USP31: variants seen among roughly 807,000 people sequenced by gnomAD.
USP31 encodes the protein ubiquitin carboxyl-terminal hydrolase 31.
In USP31, 44 loss-of-function variants were observed where a neutral mutation model predicts 119.4. That is an observed-to-expected ratio of 0.37 (90% confidence interval 0.29 to 0.47). The LOEUF is 0.47. Ranked by LOEUF, USP31 falls within the 20% of genes least tolerant of loss-of-function variation. The pLI is 0.99. For missense variants in USP31, 1,643 were observed against 1,730.2 expected, an observed-to-expected ratio of 0.95 and a Z score of 0.89; for synonymous variants, 749 against 705.6, an observed-to-expected ratio of 1.06 and a Z score of -0.97.
In USP31 at chr16:23,062,833, T is replaced by G. The variant is rs1899901548; in HGVS notation, c.*5213A>C. ...TTCAAATGGGAGTTTGATATCAGTA[T>G]CTCTCAATTCTTTTTATTCTTATTT... On this transcript the variant is annotated 3_prime_UTR_variant, in exon 16 of 16. Coordinates refer to ENST00000219689, the MANE Select transcript of USP31 (RefSeq NM_020718.4). 1 of 152,598 alleles carries G rather than the reference T, an allele frequency of 6.6e-6. No homozygotes were observed. The highest frequency in any genetic ancestry group is 1.5e-5 in the Non-Finnish European group (1 of 68,038). 9.5% of individuals were successfully genotyped at this position (152,598 alleles called of 1,614,324 possible).
intron 1 of USP31, among the ~76,000 whole-genome samples, chr16:23,132,122 A>C (rs1422341940): frequency 6.6e-6 from 1 of 152,220 alleles, no homozygotes; most frequent in Admixed American, 6.5e-5. Flanking sequence ...TAAATAGAGA[A>C]AGATCACAAT....
At chr16:23,108,415 A>G (rs1902195716) in intron 1 of USP31, among the ~76,000 whole-genome samples, 2 of 152,212 alleles carry the variant, frequency 1.3e-5, no homozygotes, top group South Asian at 4.1e-4. Context: ...GAGTGTATCT[A>G]AAGACATCAT....
At position 23,062,270 on chromosome 16, in the gene USP31, C is replaced by A. The variant is rs887009349; in HGVS notation, c.*5776G>T. ...TAAAACTAAATTTTATTTGCCTCCA[C>A]AGTTAACACAGAGTGCCAAATTCTG... On this transcript the variant is annotated 3_prime_UTR_variant, in exon 16 of 16. Coordinates refer to ENST00000219689, the MANE Select transcript of USP31 (RefSeq NM_020718.4). The A allele has an allele frequency of 6.6e-6, 1 of 152,240 alleles. No individual in the cohort carries two copies. The highest frequency in any genetic ancestry group is 1.5e-5 in the Non-Finnish European group (1 of 68,008). 9.4% of individuals were successfully genotyped at this position (152,240 alleles called of 1,614,324 possible).
chr16:23,084,410 C>G (rs557125883), intron 11 of USP31, among the ~76,000 whole-genome samples: 1 of 152,336 alleles, frequency 6.6e-6, no homozygotes, highest in Non-Finnish European at 1.5e-5. Flanking sequence ...GCACTTGAAA[C>G]ATGACTAATG....
intron 14 of USP31, among the ~76,000 whole-genome samples, chr16:23,073,000 CT>C (rs1189617553): frequency 6.6e-6 from 1 of 152,060 alleles, no homozygotes; most frequent in Non-Finnish European, 1.5e-5. Flanking sequence ...TTCATAGCCC[CT>C]AACCTGATTG....
In USP31 at chr16:23,063,938, C is replaced by G. The variant is rs7195244; in HGVS notation, c.*4108G>C. 0.28 allele frequency: 42,853 copies of G among 152,064 alleles called. 6,373 individuals are homozygous for G. The highest frequency in any genetic ancestry group is 0.35 in the Admixed American group (5,386 of 15,252). 9.4% of individuals were successfully genotyped at this position (152,064 alleles called of 1,614,324 possible). On this transcript the variant is annotated 3_prime_UTR_variant, in exon 16 of 16. Transcript: ENST00000219689. ...TGTGAGAGTGTTCATTTAAATAAAACCACTGGATTTCTCCCCAAACCATGT... is the reference window on the plus strand; with the variant it reads ...TGTGAGAGTGTTCATTTAAATAAAAGCACTGGATTTCTCCCCAAACCATGT...
chr16:23,089,718 T>C lies in USP31; in HGVS notation c.1415+906A>G, dbSNP rs555185077. On this transcript the variant is annotated intron_variant, in intron 7 of 15. Transcript: ENST00000219689. Reference sequence around the variant, plus strand: ...AGGTTACATTCCTACTGTGACAGAGTTACTTTAAAAGATAGTCTAAAACAC... The same window carrying C: ...AGGTTACATTCCTACTGTGACAGAGCTACTTTAAAAGATAGTCTAAAACAC... 4.6e-5 allele frequency among the ~76,000 whole-genome samples: 7 copies of C among 152,244 alleles called. No homozygotes were observed. In the East Asian group the frequency reaches 7.7e-4, roughly 17 times the overall value.
At chr16:23,131,770 T>C (rs1446447404) in intron 1 of USP31, among the ~76,000 whole-genome samples, 1 of 152,184 alleles carries the variant, frequency 6.6e-6, no homozygotes, top group Non-Finnish European at 1.5e-5. Context: ...ATAAGCGGCA[T>C]TTCCATCACT....
chr16:23,061,497 G>A lies in USP31; in HGVS notation c.*6549C>T, dbSNP rs747692421. 5 of 152,560 alleles carry A rather than the reference G, an allele frequency of 3.3e-5. No homozygotes were observed. The highest frequency in any genetic ancestry group is 7.3e-5 in the Non-Finnish European group (5 of 68,038). 9.5% of individuals were successfully genotyped at this position (152,560 alleles called of 1,614,324 possible). ...AACTGTATACTATATAATCAACGCT[G>A]TTTCAGAAATAAAACGTTTCAAACG... On this transcript the variant is annotated 3_prime_UTR_variant, in exon 16 of 16. Transcript: ENST00000219689.
chr16:23,121,866 T>C (rs1902680142), intron 1 of USP31, among the ~76,000 whole-genome samples: 1 of 152,202 alleles, frequency 6.6e-6, no homozygotes, highest in South Asian at 2.1e-4. Context: ...CCTCGTTTTA[T>C]ATAGCCTCAA....
At chr16:23,123,754 C>A (rs1902757966) in intron 1 of USP31, among the ~76,000 whole-genome samples, 1 of 152,076 alleles carries the variant, frequency 6.6e-6, no homozygotes. Context: ...AATCCCAACA[C>A]TTTGGGAGGC....
At chr16:23,138,100 G>C (rs1270621563) in intron 1 of USP31, among the ~76,000 whole-genome samples, 2 of 152,190 alleles carry the variant, frequency 1.3e-5, no homozygotes, top group Non-Finnish European at 2.9e-5. Flanking sequence ...TCAAGTTGAA[G>C]CTCTGCCCCT....
intron 11 of USP31, among the ~76,000 whole-genome samples, chr16:23,083,266 G>A (rs969342865): frequency 6.6e-6 from 1 of 152,086 alleles, no homozygotes; most frequent in Non-Finnish European, 1.5e-5. Flanking sequence ...CAGCCATACT[G>A]GCTTCATTTC....
chr16:23,140,647 T>C (rs1903327947), intron 1 of USP31, among the ~76,000 whole-genome samples: 1 of 152,188 alleles, frequency 6.6e-6, no homozygotes, highest in Non-Finnish European at 1.5e-5. Context: ...TACCATCCAG[T>C]GGTGACGCCT....
At chr16:23,121,972 A>G (rs950170458) in intron 1 of USP31, among the ~76,000 whole-genome samples, 14 of 152,324 alleles carry the variant, frequency 9.2e-5, no homozygotes, top group African/African-American at 2.6e-4. Context: ...ACCTTCATAT[A>G]ATGATCTGAG....
Position 23,066,813 on chromosome 16 carries a change from G to A in USP31, c.*1233C>T, listed in dbSNP as rs1006950793. On this transcript the variant is annotated 3_prime_UTR_variant, in exon 16 of 16. Transcript: ENST00000219689. ...CAATTTGCACTGACACGGCCAGATGGAACACACTCCAAAACCTGCTTGTGA... is the reference window on the plus strand; with the variant it reads ...CAATTTGCACTGACACGGCCAGATGAAACACACTCCAAAACCTGCTTGTGA... The A allele has an allele frequency of 6.6e-6, 1 of 152,142 alleles. No homozygotes were observed. The highest frequency in any genetic ancestry group is 2.4e-5 in the African/African-American group (1 of 41,418). The allele number at this position is 152,142 out of a possible 1,614,324, so 9.4% of individuals were successfully genotyped here.
chr16:23,131,678 T>C (rs1903035073), intron 1 of USP31, among the ~76,000 whole-genome samples: 2 of 152,076 alleles, frequency 1.3e-5, no homozygotes, highest in South Asian at 4.1e-4. Context: ...AAAAGGCACA[T>C]GGAACCTGCC....
At chr16:23,105,406 G>C (rs764805062) in intron 5 of USP31, 35 bp downstream of exon 5, 9 of 1,524,112 alleles carry the variant, frequency 5.9e-6, no homozygotes, top group Non-Finnish European at 8.9e-7. Flanking sequence ...ATACTTTTGT[G>C]GCTCATGTGT....
chr16:23,107,209 A>C (rs150542497), intron 2 of USP31, among the ~76,000 whole-genome samples: 34 of 152,076 alleles, frequency 2.2e-4, no homozygotes, highest in African/African-American at 5.3e-4. Context: ...ACTCTACTTC[A>C]TGTTGTATTT....
Sources: gnomAD v4.1 joint callset for allele counts (sites outside exome capture counted in the v4.1 genomes callset) on GRCh38, gnomAD v4.1.1 for gene constraint, MANE v1.5 for transcripts, NCBI Gene and HGNC (gene_info 2026-07-23, HGNC 2026-07-21) for gene names.